The following DCT variants were observed in gnomAD, a reference collection of about 807,000 sequenced individuals.
DCT encodes the protein dopachrome tautomerase.
DCT carries 47 observed loss-of-function variants against 53.0 expected under a neutral mutation model. The observed-to-expected ratio is 0.89, with a 90% CI of 0.70 to 1.13. The LOEUF (loss-of-function observed/expected upper bound fraction) is 1.13. Ranked by LOEUF, DCT falls within the 50% of genes most tolerant of loss-of-function variation. The pLI is 0.00. For synonymous variants in DCT, 244 were observed against 237.0 expected (o/e 1.03, Z -0.27); for missense variants, 669 against 637.4 (o/e 1.05, Z -0.53).
chr13:94,491,354 A>G, the DCT span, among the ~76,000 whole-genome samples: 1 of 152,134 alleles, frequency 6.6e-6, no homozygotes, highest in Non-Finnish European at 1.5e-5. Context: ...CTTGTGTTCA[A>G]GGCTCTGGGC....
chr13:94,445,416 A>G (rs528573650), intron 6 of DCT, among the ~76,000 whole-genome samples: 6 of 152,200 alleles, frequency 3.9e-5, no homozygotes, highest in Non-Finnish European at 8.8e-5. Flanking sequence ...AAGAAGCCCA[A>G]ACCAACTCAT....
At chr13:94,464,028 G>A (rs910638411) in intron 4 of DCT, among the ~76,000 whole-genome samples, 1 of 152,220 alleles carries the variant, frequency 6.6e-6, no homozygotes, top group African/African-American at 2.4e-5. Flanking sequence ...TTTACTTGAT[G>A]ACGGAAATCT....
the DCT span, among the ~76,000 whole-genome samples, chr13:94,509,354 T>C: frequency 6.6e-6 from 1 of 152,148 alleles, no homozygotes; most frequent in African/African-American, 2.4e-5. Flanking sequence ...TCATTGGTGC[T>C]GTTCTCTCAA....
chr13:94,546,714 C>A, the DCT span, among the ~76,000 whole-genome samples: 1 of 152,100 alleles, frequency 6.6e-6, no homozygotes, highest in Admixed American at 6.5e-5. This position sits in a 1 kb window ranked among gnomAD's most constrained non-coding sequence, Gnocchi z 4.2. Context: ...TAGGGAAAGG[C>A]AGGCTCCAAA....
chr13:94,445,542 T>C, intron 6 of DCT: 1 of 591,066 alleles, frequency 1.7e-6, no homozygotes, highest in Non-Finnish European at 3.0e-6. Flanking sequence ...TGAAAGATGC[T>C]AGGCTAGAAC....
At chr13:94,447,334 A>C (rs1220100947) in intron 6 of DCT, among the ~76,000 whole-genome samples, 3 of 152,214 alleles carry the variant, frequency 2.0e-5, no homozygotes, top group Non-Finnish European at 4.4e-5. Flanking sequence ...CATTAGTTAG[A>C]TTCTCATAAG....
the DCT span, among the ~76,000 whole-genome samples, chr13:94,530,982 C>T: frequency 6.6e-6 from 1 of 152,132 alleles, no homozygotes; most frequent in African/African-American, 2.4e-5. Context: ...CACAAGCTTT[C>T]CTATACACCA....
chr13:94,493,946 G>C, the DCT span, among the ~76,000 whole-genome samples: 4,154 of 152,308 alleles, frequency 0.027, 172 homozygotes, highest in African/African-American at 0.095. Flanking sequence ...GTAAGAGGCT[G>C]TATGGGAACT....
chr13:94,470,257 G>T (rs1884555826), intron 1 of DCT, among the ~76,000 whole-genome samples: 1 of 152,182 alleles, frequency 6.6e-6, no homozygotes, highest in South Asian at 2.1e-4. Flanking sequence ...AGTCCTCAGG[G>T]TGAATCAGTA....
the DCT span, among the ~76,000 whole-genome samples, chr13:94,506,545 T>TA: frequency 6.6e-6 from 1 of 151,920 alleles, no homozygotes; most frequent in African/African-American, 2.4e-5. Flanking sequence ...AATAAACACA[T>TA]AAAAAAATTA....
At chr13:94,498,600 G>A in the DCT span, among the ~76,000 whole-genome samples, 1 of 152,216 alleles carries the variant, frequency 6.6e-6, no homozygotes, top group Non-Finnish European at 1.5e-5. Context: ...ACAGAACTGT[G>A]AGAAATCAAC....
At chr13:94,522,390 T>A in the DCT span, among the ~76,000 whole-genome samples, 1 of 151,944 alleles carries the variant, frequency 6.6e-6, no homozygotes, top group Non-Finnish European at 1.5e-5. Context: ...GACTCCAAGT[T>A]CTTCAGTTTT....
At chr13:94,515,415 C>T in the DCT span, among the ~76,000 whole-genome samples, 1 of 152,168 alleles carries the variant, frequency 6.6e-6, no homozygotes, top group African/African-American at 2.4e-5. Flanking sequence ...CAAAAGAATA[C>T]ACAGAATTTG....
At chr13:94,461,910 A>G (rs1314079298) in intron 5 of DCT, 100 bp downstream of exon 5, 1 of 1,027,950 alleles carries the variant, frequency 9.7e-7, no homozygotes. Flanking sequence ...TTAGCTTCGT[A>G]GACAACCCCC....
At chr13:94,488,595 T>A in the DCT span, among the ~76,000 whole-genome samples, 1 of 151,862 alleles carries the variant, frequency 6.6e-6, no homozygotes, top group Non-Finnish European at 1.5e-5. Context: ...ATGCCTGTAG[T>A]CTCAGCTACT....
At chr13:94,514,106 C>A in the DCT span, among the ~76,000 whole-genome samples, 1 of 151,538 alleles carries the variant, frequency 6.6e-6, no homozygotes, top group Non-Finnish European at 1.5e-5. Context: ...ATGGGCTGGG[C>A]ACTTGGGCTT....
chr13:94,530,373 C>G, the DCT span, among the ~76,000 whole-genome samples: 2 of 152,154 alleles, frequency 1.3e-5, no homozygotes, highest in African/African-American at 4.8e-5. Context: ...TGAGGAACAT[C>G]GATGCAGAAA....
the DCT span, among the ~76,000 whole-genome samples, chr13:94,490,060 A>G: frequency 1.3e-5 from 2 of 152,214 alleles, no homozygotes; most frequent in Non-Finnish European, 2.9e-5. Flanking sequence ...CAGAGAATGA[A>G]TAAACCAGAT....
chr13:94,526,467 C>A, the DCT span, among the ~76,000 whole-genome samples: 1 of 152,124 alleles, frequency 6.6e-6, no homozygotes, highest in Non-Finnish European at 1.5e-5. Context: ...AGACCCCTAT[C>A]TCTACAAAAC....
Sources: allele counts gnomAD v4.1 joint callset (sites outside exome capture counted in the v4.1 genomes callset), GRCh38; gene constraint gnomAD v4.1.1; non-coding constraint Gnocchi (gnomAD v3.1); transcripts MANE v1.5; gene names NCBI Gene and HGNC (gene_info 2026-07-23, HGNC 2026-07-21).